PARL: variants seen among roughly 807,000 people sequenced by gnomAD.
PARL encodes presenilin associated rhomboid like.
In PARL, 44 loss-of-function variants were observed where a neutral mutation model predicts 51.6. That is an observed-to-expected ratio of 0.85 (90% CI 0.67 to 1.10). PARL has a LOEUF of 1.10. Ranked by LOEUF, PARL falls within the 50% of genes least tolerant of loss-of-function variation. The pLI, the probability that PARL is intolerant of heterozygous loss-of-function variation, is 0.00. For missense variants in PARL, 441 were observed against 469.5 expected (o/e 0.94, Z 0.56); for synonymous variants, 172 against 164.0 (o/e 1.05, Z -0.37).
intron 4 of PARL, among the ~76,000 whole-genome samples, chr3:183,858,863 A>G (rs922741915): frequency 6.6e-6 from 1 of 152,146 alleles, no homozygotes; most frequent in African/African-American, 2.4e-5. Flanking sequence ...TTTCAGAGCA[A>G]TATGAAGCCT....
At chr3:183,841,637 A>G (rs748190732) in intron 6 of PARL, among the ~76,000 whole-genome samples, 2 of 152,234 alleles carry the variant, frequency 1.3e-5, no homozygotes, top group African/African-American at 4.8e-5. Flanking sequence ...TATTGTATTA[A>G]GTAAGTACAT....
chr3:183,863,725 C>T (rs775448952), intron 3 of PARL, among the ~76,000 whole-genome samples: 2 of 152,034 alleles, frequency 1.3e-5, no homozygotes, highest in Admixed American at 6.6e-5. Flanking sequence ...AGATATGAGC[C>T]GCCCCGGCCG....
In PARL at chr3:183,842,352, TG is replaced by T; in HGVS notation, c.702del (p.Ser235AlafsTer2). The T allele has an allele frequency of 6.2e-7, 1 of 1,613,726 alleles. No individual in the cohort carries two copies. Among genetic ancestry groups the T allele is most frequent in the Non-Finnish European group, 8.5e-7 (1 of 1,179,932 alleles). ...TCTTGACCCAGAATGTTCACTATGC[TG>T]GAAGAGAAGCTCCACAAAACATACA... Reference protein sequence around the residue: ...ANMYVLWSFSSSIVNILGQEQ... With the variant: ...ANMYVLWSFSXSIVNILGQEQ... On this transcript the variant is annotated frameshift_variant, in exon 6 of 10. Transcript: ENST00000317096. LOFTEE classifies it high-confidence loss of function.
chr3:183,840,757 G>A (rs1729216475), intron 6 of PARL, 117 bp from the exon 7 acceptor site: 2 of 607,934 alleles, frequency 3.3e-6, no homozygotes, highest in Admixed American at 6.0e-5. Context: ...CCCGGCTGCT[G>A]AAGTGCAGTG....
At chr3:183,865,731 C>A (rs1732395725) in intron 3 of PARL, among the ~76,000 whole-genome samples, 2 of 152,180 alleles carry the variant, frequency 1.3e-5, no homozygotes, top group South Asian at 4.1e-4. Flanking sequence ...TTGGTGACTG[C>A]TGCTCTAAAG....
downstream of PARL, among the ~76,000 whole-genome samples, chr3:183,828,099 C>A (rs1727561302): frequency 6.6e-6 from 1 of 152,238 alleles, no homozygotes; most frequent in South Asian, 2.1e-4. Flanking sequence ...CAAGGCTTCT[C>A]CGGCCACAGC....
Position 183,850,053 on chromosome 3 carries a change from C to A in PARL, c.512-5727G>T, listed in dbSNP as rs187427671. Among the ~76,000 whole-genome samples the A allele has an allele frequency of 3.9e-5, 6 of 152,248 alleles. No homozygotes were observed. In the East Asian group the frequency reaches 1.2e-3, roughly 29 times the overall value. On this transcript the variant is annotated intron_variant, in intron 4 of 9. Transcript: ENST00000317096. ...CTGAATTAGTAATTCAAAAAACTTA[C>A]CACAAAGAAAACCCCAGAGCCAGAT...
chr3:183,871,992 T>C (rs1733268351), intron 1 of PARL, among the ~76,000 whole-genome samples: 1 of 142,900 alleles, frequency 7.0e-6, no homozygotes, highest in Non-Finnish European at 1.5e-5. Flanking sequence ...ATTACTTGCC[T>C]AGAATGCATT....
In PARL at chr3:183,856,350, C is replaced by T. The variant is rs1370233499; in HGVS notation, c.511+6403G>A. 2.6e-5 allele frequency: 4 copies of T among 152,286 alleles called. No individual in the cohort carries two copies. In the East Asian group the frequency reaches 5.8e-4, roughly 22 times the overall value. The allele number at this position is 152,286 out of a possible 1,614,324, so 9.4% of individuals were successfully genotyped here. Reference sequence around the variant, plus strand: ...TCCTTTATCTGAAGGGGCTACTATACCAACCCAGACCTGGCCAGTCCAGAC... The same window carrying T: ...TCCTTTATCTGAAGGGGCTACTATATCAACCCAGACCTGGCCAGTCCAGAC... On this transcript the variant is annotated intron_variant, in intron 4 of 9. Coordinates refer to ENST00000317096, the MANE Select transcript of PARL (RefSeq NM_018622.7).
At chr3:183,882,416 TAG>T (rs146955187) in intron 1 of PARL, among the ~76,000 whole-genome samples, 27,652 of 104,084 alleles carry the variant, frequency 0.27, 3,095 homozygotes, top group East Asian at 0.61. Context: ...CACATATATA[TAG>T]AGAGAGAGAG....
chr3:183,847,953 G>A (rs532543923), intron 4 of PARL, among the ~76,000 whole-genome samples: 24 of 152,268 alleles, frequency 1.6e-4, no homozygotes, highest in African/African-American at 5.8e-4. Flanking sequence ...TCCTGACTCG[G>A]TAACTCTTGG....
At chr3:183,854,262 T>C (rs185769407) in intron 4 of PARL, among the ~76,000 whole-genome samples, 7 of 152,260 alleles carry the variant, frequency 4.6e-5, no homozygotes, top group Admixed American at 4.6e-4. Flanking sequence ...ATCGAATGCA[T>C]GGTCGGTCTC....
At chr3:183,867,765 C>G in intron 2 of PARL, 100 bp downstream of exon 2, 1 of 849,202 alleles carries the variant, frequency 1.2e-6, no homozygotes. Flanking sequence ...TTTGATCCCC[C>G]CTCTACCTGT....
intron 1 of PARL, among the ~76,000 whole-genome samples, chr3:183,883,401 T>C (rs1734777683): frequency 6.6e-6 from 1 of 152,182 alleles, no homozygotes. Context: ...CCCGAGTAGC[T>C]GGGATTACAG....
At chr3:183,867,796 A>G (rs1170691104) in intron 2 of PARL, 69 bp downstream of exon 2, 1 of 1,166,486 alleles carries the variant, frequency 8.6e-7, no homozygotes, top group Non-Finnish European at 1.3e-6. Flanking sequence ...AGGGAGCCCA[A>G]ATGGGACAAA....
At chr3:183,843,236 T>C (rs1027280762) in intron 5 of PARL, 131 of 985,246 alleles carry the variant, frequency 1.3e-4, no homozygotes, top group Non-Finnish European at 1.5e-4. Flanking sequence ...ATCTCTTTTC[T>C]ACTTAGTAAG....
At chr3:183,864,482 G>C (rs1388497556) in intron 3 of PARL, among the ~76,000 whole-genome samples, 1 of 151,974 alleles carries the variant, frequency 6.6e-6, no homozygotes, top group Non-Finnish European at 1.5e-5. Flanking sequence ...GTGAATAAAA[G>C]AAATAAAATA....
chr3:183,846,189 G>GA lies in PARL; in HGVS notation c.512-1864dup, dbSNP rs367627459. ...GTGATTAAAATAAAGGAAAATACAT[G>GA]AAAAAAAATGAAAGATAAAGGCCGG... On this transcript the variant is annotated intron_variant, in intron 4 of 9. Coordinates refer to ENST00000317096, the MANE Select transcript of PARL (RefSeq NM_018622.7). 3.0e-3 allele frequency among the ~76,000 whole-genome samples: 449 copies of GA among 151,708 alleles called. 5 individuals carry two copies. The highest frequency in any genetic ancestry group is 9.6e-3 in the African/African-American group (399 of 41,374).
chr3:183,868,606 G>A (rs1732808550), intron 1 of PARL, among the ~76,000 whole-genome samples: 1 of 152,086 alleles, frequency 6.6e-6, no homozygotes, highest in African/African-American at 2.4e-5. Context: ...ATGGGGTTCT[G>A]CCATGTTGCC....
Sources: gnomAD v4.1 joint callset for allele counts (sites outside exome capture counted in the v4.1 genomes callset) on GRCh38, gnomAD v4.1.1 for gene constraint, MANE v1.5 for transcripts, NCBI Gene and HGNC (gene_info 2026-07-23, HGNC 2026-07-21) for gene names.